The following SLC30A9 variants were observed in gnomAD, a reference collection of about 807,000 sequenced individuals.
The protein encoded by SLC30A9 is solute carrier family 30 member 9.
In SLC30A9, 58 loss-of-function variants were observed where a neutral mutation model predicts 87.5. That is an observed-to-expected ratio of 0.66 (90% CI 0.54 to 0.82). The LOEUF (loss-of-function observed/expected upper bound fraction) is 0.82, where lower values mean the gene tolerates loss of function less well. SLC30A9 is among the 40% of genes least tolerant of loss of function. The pLI is 0.00. For missense variants in SLC30A9, 557 were observed against 679.1 expected (o/e 0.82, Z 2.00); for synonymous variants, 234 against 233.0 (o/e 1.00, Z -0.04).
intron 14 of SLC30A9, among the ~76,000 whole-genome samples, chr4:42,069,310 TTCAAA>T (rs1718210072): frequency 6.6e-6 from 1 of 152,186 alleles, no homozygotes; most frequent in African/African-American, 2.4e-5. Context: ...AGCTAATTTA[TTCAAA>T]TTAAATTAAA....
At chr4:41,994,028 G>A (rs199612183) in intron 1 of SLC30A9, among the ~76,000 whole-genome samples, 1 of 152,006 alleles carries the variant, frequency 6.6e-6, no homozygotes, top group East Asian at 1.9e-4. Context: ...ATGGTGGCGG[G>A]CGCCTGTAAT....
Position 41,990,661 on chromosome 4 carries a change from G to A in SLC30A9, c.10G>A (p.Gly4Ser), listed in dbSNP as rs1265825405. The stretch of plus-strand genomic sequence containing the variant: ...CCTCTGCCCCACCAGGATGTTACCC[G>A]GCTTGGCCGCCGCCGCGGCCCACAG... MLP[G>S]LAAAAAHRCS... The change falls in exon 1 of 18, where the codon GGC (glycine) becomes AGC (serine). Residue 4 changes from glycine to serine, a missense_variant. Coordinates refer to ENST00000264451, the MANE Select transcript of SLC30A9 (RefSeq NM_006345.4). 6.2e-7 allele frequency: 1 copy of A among 1,606,628 alleles called. No individual in the cohort carries two copies. The highest frequency in any genetic ancestry group is 8.5e-7 in the Non-Finnish European group (1 of 1,175,598).
At chr4:42,019,295 A>G (rs181480473) in intron 3 of SLC30A9, among the ~76,000 whole-genome samples, 13 of 152,272 alleles carry the variant, frequency 8.5e-5, no homozygotes, top group African/African-American at 2.9e-4. Context: ...GTATTTGCTT[A>G]TTTATCTCTA....
chr4:42,029,330 T>A (rs1716322761), intron 6 of SLC30A9: 3 of 538,332 alleles, frequency 5.6e-6, no homozygotes, highest in Non-Finnish European at 1.1e-5. Context: ...TTCTACATAA[T>A]ATTTTATGGC....
intron 9 of SLC30A9, among the ~76,000 whole-genome samples, chr4:42,051,061 A>G (rs1401344736): frequency 6.6e-6 from 1 of 152,218 alleles, no homozygotes; most frequent in African/African-American, 2.4e-5. Context: ...GCAGAGAACC[A>G]GCAGGGAGCA....
intron 8 of SLC30A9, among the ~76,000 whole-genome samples, chr4:42,039,581 G>A (rs1219209895): frequency 6.6e-6 from 1 of 151,386 alleles, no homozygotes; most frequent in Non-Finnish European, 1.5e-5. Flanking sequence ...TCCTGCAACA[G>A]CCTCCCAAGT....
At chr4:41,995,410 T>G (rs1261276213) in intron 1 of SLC30A9, among the ~76,000 whole-genome samples, 1 of 152,024 alleles carries the variant, frequency 6.6e-6, no homozygotes, top group East Asian at 1.9e-4. Flanking sequence ...CATTCAGCAT[T>G]GGATGCCAGG....
At chr4:42,015,254 A>T (rs539900836) in intron 2 of SLC30A9, among the ~76,000 whole-genome samples, 2 of 152,280 alleles carry the variant, frequency 1.3e-5, no homozygotes, top group African/African-American at 4.8e-5. Context: ...AGTTTTTTTT[A>T]AAGAAAAATA....
intron 2 of SLC30A9, among the ~76,000 whole-genome samples, chr4:42,010,476 CAAAAT>C (rs369461044): frequency 2.6e-5 from 4 of 151,906 alleles, no homozygotes; most frequent in Non-Finnish European, 5.9e-5. Flanking sequence ...GATCCTGTCT[CAAAAT>C]AAAATAAAAT....
intron 8 of SLC30A9, among the ~76,000 whole-genome samples, chr4:42,044,630 C>T (rs1262705110): frequency 6.6e-6 from 1 of 152,098 alleles, no homozygotes; most frequent in Non-Finnish European, 1.5e-5. Context: ...CACTTTAACC[C>T]CTCATTGTCA....
chr4:42,033,295 T>C (rs1443224013), intron 6 of SLC30A9, among the ~76,000 whole-genome samples: 7 of 151,922 alleles, frequency 4.6e-5, no homozygotes, highest in Non-Finnish European at 8.8e-5. Flanking sequence ...CTCTCTCTTG[T>C]ATAAGTAACT....
rs1316847765 is a variant in SLC30A9 at position 42,078,250 on chromosome 4, C to CT, written c.1590dup (p.Met531TyrfsTer3). Reference sequence around the variant, plus strand: ...TGAAAACTCCTGAAGAACTAGAGACCTTTATGCTTAAACATGGAGAAAATA... The same window carrying CT: ...TGAAAACTCCTGAAGAACTAGAGACCTTTTATGCTTAAACATGGAGAAAATA... On this transcript the variant is annotated frameshift_variant, in exon 17 of 18. Transcript: ENST00000264451. LOFTEE classifies it high-confidence loss of function. The CT allele has an allele frequency of 6.3e-7, 1 of 1,580,318 alleles. No homozygotes were observed. The highest frequency in any genetic ancestry group is 8.6e-7 in the Non-Finnish European group (1 of 1,157,808).
At chr4:42,018,759 C>T (rs1375628717) in intron 3 of SLC30A9, among the ~76,000 whole-genome samples, 1 of 152,060 alleles carries the variant, frequency 6.6e-6, no homozygotes, top group Admixed American at 6.6e-5. Flanking sequence ...TAGTTTTCTC[C>T]CCTATAACGT....
intron 4 of SLC30A9, 36 bp downstream of exon 4, chr4:42,020,551 C>A (rs897788116): frequency 4.6e-6 from 5 of 1,079,826 alleles, no homozygotes; most frequent in African/African-American, 4.6e-5. Flanking sequence ...TGTGTCATAT[C>A]TAAATAATCT....
intron 6 of SLC30A9, 48 bp downstream of exon 6, chr4:42,023,432 G>C: frequency 8.3e-7 from 1 of 1,201,808 alleles, no homozygotes; most frequent in South Asian, 1.2e-5. Context: ...ATAACTTGTA[G>C]ATGAGAACTG....
chr4:42,008,629 G>A (rs1715314996), intron 2 of SLC30A9, among the ~76,000 whole-genome samples: 1 of 152,214 alleles, frequency 6.6e-6, no homozygotes. Context: ...TGAGGGACAG[G>A]TAGAAGAGGA....
rs1719028631 is a variant in SLC30A9, at chr4:42,089,446, CAG to C, written c.*3323_*3324del. ...TTGTTTTTTTTGTTTTTTTTTGAGA[CAG>C]AGTTTCGTTCTTGTTGCCCAGGCTG... is the stretch of plus-strand genomic sequence containing the variant. On this transcript the variant is annotated 3_prime_UTR_variant, in exon 18 of 18. Coordinates refer to ENST00000264451, the MANE Select transcript of SLC30A9 (RefSeq NM_006345.4). 1 of 150,746 alleles carries C rather than the reference CAG, an allele frequency of 6.6e-6. No homozygotes were observed. The highest frequency in any genetic ancestry group is 1.5e-5 in the Non-Finnish European group (1 of 68,046). 9.3% of individuals were successfully genotyped at this position (150,746 alleles called of 1,614,324 possible). A position where few individuals can be genotyped will look rare whatever the true frequency, so the allele number is the denominator to read the frequency against.
intron 8 of SLC30A9, 48 bp from the exon 9 acceptor site, chr4:42,049,329 A>C (rs1717293834): frequency 4.1e-6 from 5 of 1,233,280 alleles, no homozygotes; most frequent in Admixed American, 1.9e-5. Context: ...CTTTTGGCTT[A>C]AATTTTTGTC....
At chr4:42,039,422 T>C (rs186269531) in intron 8 of SLC30A9, among the ~76,000 whole-genome samples, 44 of 152,140 alleles carry the variant, frequency 2.9e-4, no homozygotes, top group Non-Finnish European at 4.4e-4. Context: ...ATTCCACTTA[T>C]CTTGGAAGAA....
Sources: allele counts gnomAD v4.1 joint callset (sites outside exome capture counted in the v4.1 genomes callset), GRCh38; gene constraint gnomAD v4.1.1; transcripts MANE v1.5; gene names NCBI Gene and HGNC (gene_info 2026-07-23, HGNC 2026-07-21).